SGCA: variants seen among roughly 807,000 people sequenced by gnomAD.
SGCA encodes sarcoglycan alpha, also known as alpha-sarcoglycan.
In SGCA, 34 loss-of-function variants were observed where a neutral mutation model predicts 38.1. That is an observed-to-expected ratio of 0.89 (90% CI 0.68 to 1.19). The LOEUF (loss-of-function observed/expected upper bound fraction) is 1.19. Among genes scored for constraint, SGCA ranks in the 50% most tolerant of loss-of-function variants. SGCA has a pLI of 0.00. For missense variants in SGCA, 476 were observed against 524.9 expected, an observed-to-expected ratio of 0.91 and a Z score of 0.91; for synonymous variants, 209 against 214.6, an observed-to-expected ratio of 0.97 and a Z score of 0.23.
Position 50,167,902 on chromosome 17 carries a change from G to C in SGCA, c.313-45G>C, listed in dbSNP as rs775818669. The C allele has an allele frequency of 6.3e-7, 1 of 1,595,574 alleles. No individual in the cohort carries two copies. The highest frequency in any genetic ancestry group is 1.1e-5 in the South Asian group (1 of 90,688). Reference sequence around the variant, plus strand: ...TCCTGCCAGGCCCCCGCTGTGCCACGTTTCTCCCCTAACCCACTTCTCAGA... The same window carrying C: ...TCCTGCCAGGCCCCCGCTGTGCCACCTTTCTCCCCTAACCCACTTCTCAGA... On this transcript the variant is annotated intron_variant, in intron 3 of 9. Transcript: ENST00000262018. The surrounding 1 kb of genome is among the most constrained non-coding windows in gnomAD (Gnocchi z 4.5).
chr17:50,167,571 G>T lies in SGCA; in HGVS notation c.158-11G>T, dbSNP rs140261054. The T allele has an allele frequency of 1.2e-6, 2 of 1,613,294 alleles. No individual in the cohort carries two copies. Among genetic ancestry groups the T allele is most frequent in the Non-Finnish European group, 1.7e-6 (2 of 1,179,990 alleles). On this transcript the variant is annotated splice_polypyrimidine_tract_variant and intron_variant, in intron 2 of 9. Transcript: ENST00000262018. The surrounding 1 kb of genome is among the most constrained non-coding windows in gnomAD (Gnocchi z 4.5). ...GCTGTGACTCGAATCCCCTCTCCTC[G>T]CTTCCACCAGCTGTCCCACCCGCTG... is the stretch of plus-strand genomic sequence containing the variant.
Position 50,170,660 on chromosome 17 carries a change from C to T in SGCA, c.977C>T (p.Thr326Ile), listed in dbSNP as rs1266256349. 3 of 1,560,730 alleles carry T rather than the reference C, an allele frequency of 1.9e-6. No individual in the cohort carries two copies. The Admixed American group carries it at 5.7e-5, about 30-fold the overall frequency. The change falls in exon 8 of 10, where the codon ACC becomes ATC. Residue 326 changes from threonine to isoleucine, a missense_variant. Coordinates refer to ENST00000262018, the MANE Select transcript of SGCA (RefSeq NM_000023.4). ...CACAGGCTGAAGAGAGACCTGGCTA[C>T]CTCCGAGTGAGTAAAGGAAAGCTGG... ...REGRLKRDLA[T>I]SDIQMVHHCT...
At position 50,170,293 on chromosome 17, in the gene SGCA, G is replaced by C; in HGVS notation, c.898G>C (p.Val300Leu). The change falls in exon 7 of 10, where the codon GTG (valine) becomes CTG (leucine). Residue 300 changes from valine (V) to leucine (L), a missense_variant. Transcript: ENST00000262018. ...ALVTLLVPLL[V>L]ALLLTLLLAY... The stretch of plus-strand genomic sequence containing the variant: ...GGTCACCCTCCTGGTGCCCCTGCTG[G>C]TGGCCCTGCTTCTCACCTTGCTGCT... 2 of 1,614,204 alleles carry C rather than the reference G, an allele frequency of 1.2e-6. No homozygotes were observed. The highest frequency in any genetic ancestry group is 1.7e-6 in the Non-Finnish European group (2 of 1,180,022).
chr17:50,171,825 G>C, intron 8 of SGCA: 1 of 456,786 alleles, frequency 2.2e-6, no homozygotes, highest in South Asian at 1.5e-5. Flanking sequence ...AGGGTGGCCA[G>C]GGACACATAC....
At chr17:50,174,362 C>A (rs565288141) in intron 8 of SGCA, among the ~76,000 whole-genome samples, 49 of 152,140 alleles carry the variant, frequency 3.2e-4, no homozygotes, top group Admixed American at 1.1e-3. Context: ...TAAAGCTCAG[C>A]AAACACTGGC....
intron 8 of SGCA, among the ~76,000 whole-genome samples, chr17:50,174,716 C>T (rs1454823288): frequency 6.6e-6 from 1 of 152,112 alleles, no homozygotes; most frequent in Non-Finnish European, 1.5e-5. Flanking sequence ...AAGCAACTTG[C>T]CCAAGACACA....
At position 50,169,266 on chromosome 17, in the gene SGCA, C is replaced by T. The variant is rs1905176930; in HGVS notation, c.747+12C>T. ...GCAATGTGACCCTGGTGAGGAGGGA[C>T]CCTGGGTCCGGGGGTGGGGTGGGGC... On this transcript the variant is annotated intron_variant, in intron 6 of 9. Coordinates refer to ENST00000262018, the MANE Select transcript of SGCA (RefSeq NM_000023.4). The T allele has an allele frequency of 6.2e-7, 1 of 1,604,622 alleles. No individual in the cohort carries two copies. Among genetic ancestry groups the T allele is most frequent in the East Asian group, 2.2e-5 (1 of 44,678 alleles).
At chr17:50,170,015 C>T in intron 6 of SGCA, 128 bp from the exon 7 acceptor site, 2 of 770,736 alleles carry the variant, frequency 2.6e-6, no homozygotes, top group Non-Finnish European at 4.5e-6. Context: ...TGTGCGCTAA[C>T]CAGTGCACTG....
In SGCA at chr17:50,167,588, C is replaced by T. The variant is rs1253463418; in HGVS notation, c.164C>T (p.Pro55Leu). 6 of 1,613,422 alleles carry T rather than the reference C, an allele frequency of 3.7e-6. No homozygotes were observed. In the Admixed American group the frequency reaches 1.0e-4, roughly 27 times the overall value. Residue 55 changes from proline to leucine, a missense_variant, in exon 3 of 10, where the codon CCA (proline) becomes CTA (leucine). By Grantham distance (98) the Pro-to-Leu change is moderately conservative. Transcript: ENST00000262018. The surrounding 1 kb of genome is among the most constrained non-coding windows in gnomAD (Gnocchi z 4.5). ...FLSLPEHVAV[P>L]PAVHITYHAH... Reference sequence around the variant, plus strand: ...CTCTCCTCGCTTCCACCAGCTGTCCCACCCGCTGTCCACATCACCTACCAC... The same window carrying T: ...CTCTCCTCGCTTCCACCAGCTGTCCTACCCGCTGTCCACATCACCTACCAC...
rs886043256 is a variant in SGCA, at chr17:50,167,419, C to T, written c.89C>T (p.Pro30Leu). 3 of 1,614,198 alleles carry T rather than the reference C, an allele frequency of 1.9e-6. No individual in the cohort carries two copies. The highest frequency in any genetic ancestry group is 2.5e-6 in the Non-Finnish European group (3 of 1,180,028). ...GAGGCCCAGCAGACCACGCTACACC[C>T]ACTTGTGGGCCGTGTCTTTGTGCAC... ...DTEAQQTTLH[P>L]LVGRVFVHTL... The change falls in exon 2 of 10, where the codon CCA (proline) becomes CTA (leucine). Residue 30 changes from proline (P) to leucine (L), a missense_variant. Pro to Leu is a moderately conservative substitution (Grantham distance 98). Transcript: ENST00000262018. The surrounding 1 kb of genome is among the most constrained non-coding windows in gnomAD (Gnocchi z 4.5).
chr17:50,168,198 T>A (rs958204059), intron 4 of SGCA, among the ~76,000 whole-genome samples, 176 bp from the exon 5 acceptor site: 1 of 152,172 alleles, frequency 6.6e-6, no homozygotes, highest in Admixed American at 6.5e-5. Context: ...GCTCTGGAGT[T>A]CTGTTACTCG....
rs1344745232 is a variant in SGCA, at chr17:50,170,637, C to T, written c.957-3C>T. 1 of 1,560,804 alleles carries T rather than the reference C, an allele frequency of 6.4e-7. No individual in the cohort carries two copies. Among genetic ancestry groups the T allele is most frequent in the South Asian group, 1.2e-5 (1 of 84,866 alleles). On this transcript the variant is annotated splice_polypyrimidine_tract_variant and splice_region_variant and intron_variant, in intron 7 of 9. Coordinates refer to ENST00000262018, the MANE Select transcript of SGCA (RefSeq NM_000023.4). ...GCTAACCCTCTCCTTCACTTTTCCA[C>T]AGGCTGAAGAGAGACCTGGCTACCT...
intron 8 of SGCA, among the ~76,000 whole-genome samples, chr17:50,173,864 G>A (rs974200317): frequency 2.6e-5 from 4 of 152,182 alleles, no homozygotes; most frequent in Non-Finnish European, 5.9e-5. Flanking sequence ...GTGAAGCTAG[G>A]TCTTTTCTGC....
chr17:50,175,225 C>G (rs764186209), intron 8 of SGCA, 32 bp from the exon 9 acceptor site: 5 of 1,574,414 alleles, frequency 3.2e-6, no homozygotes, highest in Non-Finnish European at 3.4e-6. Flanking sequence ...AGCTGACTCC[C>G]AGAGCTGATG....
At chr17:50,166,668 ACACACACACC>A (rs1345504321) in intron 1 of SGCA, among the ~76,000 whole-genome samples, 2 of 149,500 alleles carry the variant, frequency 1.3e-5, no homozygotes, top group East Asian at 2.0e-4. Flanking sequence ...ACCCTCACAC[ACACACACACC>A]CACACACACC....
Position 50,174,719 on chromosome 17 carries a change from A to G in SGCA, c.984-538A>G, listed in dbSNP as rs148572611. Among the ~76,000 whole-genome samples, 53 of 152,242 alleles carry G rather than the reference A, an allele frequency of 3.5e-4. No individual in the cohort carries two copies. The East Asian group carries it at 9.3e-3, about 27-fold the overall frequency. ...CATGGAGTGGTTAAGCAACTTGCCCAAGACACACAGCCTTGAACCCAGGCT... is the reference window on the plus strand; with the variant it reads ...CATGGAGTGGTTAAGCAACTTGCCCGAGACACACAGCCTTGAACCCAGGCT... On this transcript the variant is annotated intron_variant, in intron 8 of 9. Transcript: ENST00000262018.
At chr17:50,169,447 C>CACACACACA (rs1555569106) in intron 6 of SGCA, 193 bp downstream of exon 6, 9 of 427,456 alleles carry the variant, frequency 2.1e-5, no homozygotes, top group South Asian at 8.7e-5. Flanking sequence ...ACACACACAC[C>CACACACACA]CCTGAAGTTC....
rs1243894184 is a variant in SGCA at position 50,169,507 on chromosome 17, T to C, written c.747+253T>C. The stretch of plus-strand genomic sequence containing the variant: ...CAGAGTCCGCAATCCGCATGTGGGG[T>C]CTCCAACTCCCGCGCCCCAGATCTG... On this transcript the variant is annotated intron_variant, in intron 6 of 9. Coordinates refer to ENST00000262018, the MANE Select transcript of SGCA (RefSeq NM_000023.4). 5.6e-6 allele frequency: 3 copies of C among 533,084 alleles called. No homozygotes were observed. In the African/African-American group the frequency reaches 5.7e-5, roughly 10 times the overall value. 33.0% of individuals were successfully genotyped at this position (533,084 alleles called of 1,614,324 possible). A position where few individuals can be genotyped will look rare whatever the true frequency, so the allele number is the denominator to read the frequency against.
In SGCA at chr17:50,175,267, G is replaced by T. The variant is rs1031283100; in HGVS notation, c.994G>T (p.Val332Phe). The stretch of plus-strand genomic sequence containing the variant: ...CACCTGTGCCTCCAGCATCCAGATG[G>T]TCCACCACTGCACCATCCACGGGAA... Reference protein sequence around the residue: ...RDLATSDIQMVHHCTIHGNTE... With the variant: ...RDLATSDIQMFHHCTIHGNTE... Residue 332 changes from valine (V) to phenylalanine (F), a missense_variant, in exon 9 of 10, where the codon GTC becomes TTC. Val to Phe is a conservative substitution (Grantham distance 50). Coordinates refer to ENST00000262018, the MANE Select transcript of SGCA (RefSeq NM_000023.4). 1.2e-6 allele frequency: 2 copies of T among 1,604,720 alleles called. No individual in the cohort carries two copies. The highest frequency in any genetic ancestry group is 1.7e-6 in the Non-Finnish European group (2 of 1,176,430).
Sources: gnomAD v4.1 joint callset for allele counts (sites outside exome capture counted in the v4.1 genomes callset) on GRCh38, gnomAD v4.1.1 for gene constraint, Gnocchi (gnomAD v3.1) non-coding constraint, MANE v1.5 for transcripts, NCBI Gene and HGNC (gene_info 2026-07-23, HGNC 2026-07-21) for gene names.